Variants in NR6A1 observed in about 807,000 individuals in gnomAD.
NR6A1 encodes the protein nuclear receptor subfamily 6 group A member 1.
In NR6A1, 7 loss-of-function variants were observed where a neutral mutation model predicts 59.1. The observed-to-expected ratio is 0.12, with a 90% confidence interval of 0.07 to 0.22. The LOEUF (loss-of-function observed/expected upper bound fraction) is 0.22. Among genes scored for constraint, NR6A1 ranks in the 10% least tolerant of loss-of-function variants. NR6A1 has a pLI of 1.00. For synonymous variants in NR6A1, 243 were observed against 236.1 expected (o/e 1.03, Z -0.27); for missense variants, 468 against 611.6 (o/e 0.77, Z 2.48).
intron 3 of NR6A1, among the ~76,000 whole-genome samples, chr9:124,550,625 T>C (rs571931838): frequency 1.6e-4 from 24 of 152,236 alleles, no homozygotes; most frequent in African/African-American, 5.8e-4. Context: ...CCCAAAGTAT[T>C]GGGATTACAG....
chr9:124,572,644 G>A (rs1215834258), intron 2 of NR6A1, among the ~76,000 whole-genome samples: 1 of 152,218 alleles, frequency 6.6e-6, no homozygotes, highest in African/African-American at 2.4e-5. Context: ...GCACACGTCA[G>A]TGGAAGGAAT....
chr9:124,746,751 T>C (rs1348622329), intron 1 of NR6A1, among the ~76,000 whole-genome samples: 1 of 152,224 alleles, frequency 6.6e-6, no homozygotes, highest in African/African-American at 2.4e-5. Flanking sequence ...AACTCCTTTT[T>C]TTTAGATGCT....
rs1180812211 is a variant in NR6A1, at chr9:124,518,881, C to T, written c.*3824G>A. ...TCAAAAGCAACAAGGAAAAAAGATA[C>T]ACACCAGGGGCCCAGAGAGGAGGGC... On this transcript the variant is annotated 3_prime_UTR_variant, in exon 10 of 10. Transcript: ENST00000487099. 5.3e-5 allele frequency: 8 copies of T among 151,256 alleles called. No homozygotes were observed. Among genetic ancestry groups the T allele is most frequent in the Non-Finnish European group, 1.5e-5 (1 of 67,916 alleles). 9.4% of individuals were successfully genotyped at this position (151,256 alleles called of 1,614,324 possible). A position where few individuals can be genotyped will look rare whatever the true frequency, so the allele number is the denominator to read the frequency against.
At chr9:124,674,259 C>T (rs376779212) in intron 2 of NR6A1, among the ~76,000 whole-genome samples, 3 of 152,248 alleles carry the variant, frequency 2.0e-5, no homozygotes, top group African/African-American at 7.2e-5. Context: ...TGCCTAGGTA[C>T]ACAGGAGGCA....
intron 1 of NR6A1, among the ~76,000 whole-genome samples, chr9:124,760,020 A>G (rs139407689): frequency 6.7e-4 from 101 of 151,058 alleles, no homozygotes; most frequent in Non-Finnish European, 1.3e-3. Context: ...AACCTGGGTG[A>G]CAGAGCTAGA....
At chr9:124,743,434 C>A (rs911017866) in intron 1 of NR6A1, among the ~76,000 whole-genome samples, 1 of 152,190 alleles carries the variant, frequency 6.6e-6, no homozygotes, top group Non-Finnish European at 1.5e-5. Flanking sequence ...GCAACAAAAA[C>A]AATACCCTTT....
chr9:124,701,699 G>A (rs80180019), intron 2 of NR6A1, among the ~76,000 whole-genome samples: 2,506 of 152,168 alleles, frequency 0.016, 75 homozygotes, highest in East Asian at 0.15. Context: ...AGTTCTTTAC[G>A]TATTTTAGAT....
At chr9:124,619,637 G>C (rs34677572) in intron 2 of NR6A1, among the ~76,000 whole-genome samples, 4 of 152,120 alleles carry the variant, frequency 2.6e-5, no homozygotes, top group Non-Finnish European at 5.9e-5. Context: ...GACTGCCCAG[G>C]TTTCAGTTTT....
chr9:124,599,027 A>C (rs1835367426), intron 2 of NR6A1: 1 of 740,122 alleles, frequency 1.4e-6, no homozygotes, highest in Non-Finnish European at 2.5e-6. Flanking sequence ...GTCCCTCCTC[A>C]TGAGGAGGCG....
chr9:124,625,780 T>C (rs1020733089), intron 2 of NR6A1, among the ~76,000 whole-genome samples: 1 of 152,184 alleles, frequency 6.6e-6, no homozygotes, highest in African/African-American at 2.4e-5. Flanking sequence ...TAAAGCAGAT[T>C]GCCCTCCATA....
intron 7 of NR6A1, among the ~76,000 whole-genome samples, chr9:124,535,666 G>A: frequency 6.6e-6 from 1 of 152,094 alleles, no homozygotes; most frequent in Admixed American, 6.6e-5. Flanking sequence ...CATCTTACTG[G>A]GGAAATTGTG....
Position 124,524,702 on chromosome 9 carries a change from C to T in NR6A1, c.1354+19G>A. The T allele has an allele frequency of 6.2e-7, 1 of 1,611,118 alleles. No individual in the cohort carries two copies. The highest frequency in any genetic ancestry group is 1.1e-5 in the South Asian group (1 of 90,550). On this transcript the variant is annotated intron_variant, in intron 9 of 9. Transcript: ENST00000487099. ...AGAGAAGCAAGGAAGGGTTGGGAGC[C>T]CAAGACCCAGAATGTTACCTGCAAT...
intron 3 of NR6A1, 27 bp from the exon 4 acceptor site, chr9:124,543,884 G>C: frequency 6.3e-7 from 1 of 1,599,262 alleles, no homozygotes; most frequent in Non-Finnish European, 8.6e-7. Context: ...GTCAAGAAAG[G>C]CAGTCAGAAG....
intron 1 of NR6A1, among the ~76,000 whole-genome samples, chr9:124,746,746 CT>C (rs1480275318): frequency 6.6e-6 from 1 of 151,924 alleles, no homozygotes; most frequent in East Asian, 1.9e-4. Flanking sequence ...GAAAAAACTC[CT>C]TTTTTTTAGA....
chr9:124,725,051 A>G (rs1588831169), intron 2 of NR6A1, among the ~76,000 whole-genome samples: 3 of 152,182 alleles, frequency 2.0e-5, no homozygotes, highest in African/African-American at 7.2e-5. Context: ...CTTCCCTTGT[A>G]TCAAGTCGGT....
intron 2 of NR6A1, among the ~76,000 whole-genome samples, chr9:124,693,195 T>G (rs1018988590): frequency 6.6e-6 from 1 of 152,142 alleles, no homozygotes; most frequent in Non-Finnish European, 1.5e-5. Context: ...TTTGACCCCC[T>G]AAGCAAGTGT....
intron 2 of NR6A1, among the ~76,000 whole-genome samples, chr9:124,639,326 C>T (rs1396980469): frequency 6.6e-6 from 1 of 152,150 alleles, no homozygotes; most frequent in Non-Finnish European, 1.5e-5. Context: ...AGGTCACTAA[C>T]GTTTACTGAG....
chr9:124,681,589 C>A (rs1246822542), intron 2 of NR6A1, among the ~76,000 whole-genome samples: 1 of 152,020 alleles, frequency 6.6e-6, no homozygotes, highest in Non-Finnish European at 1.5e-5. Context: ...ATCTGCCCAC[C>A]TCGGTCTCCC....
chr9:124,519,075 G>A lies in NR6A1; in HGVS notation c.*3630C>T, dbSNP rs921515913. ...AAACAAATGTAGGAAATGGGTAACA[G>A]AGCAATGCACCTAGCTCAGAGCCCA... is the stretch of plus-strand genomic sequence containing the variant. On this transcript the variant is annotated 3_prime_UTR_variant, in exon 10 of 10. Transcript: ENST00000487099. 1.3e-5 allele frequency: 2 copies of A among 152,262 alleles called. No homozygotes were observed. The highest frequency in any genetic ancestry group is 2.1e-4 in the South Asian group (1 of 4,826). The allele number at this position is 152,262 out of a possible 1,614,324, so 9.4% of individuals were successfully genotyped here. A position where few individuals can be genotyped will look rare whatever the true frequency, so the allele number is the denominator to read the frequency against.
Sources: gnomAD v4.1 joint callset for allele counts (sites outside exome capture counted in the v4.1 genomes callset) on GRCh38, gnomAD v4.1.1 for gene constraint, MANE v1.5 for transcripts, NCBI Gene and HGNC (gene_info 2026-07-23, HGNC 2026-07-21) for gene names.